The following IGSF11 variants were observed in gnomAD, a reference collection of about 807,000 sequenced individuals.
IGSF11 encodes the protein immunoglobulin superfamily member 11.
Under a neutral mutation model 41.0 loss-of-function variants are expected in IGSF11, and 22 were observed. That is an observed-to-expected ratio of 0.54 (90% CI 0.38 to 0.77). The LOEUF is 0.77. Ranked by LOEUF, IGSF11 falls within the 30% of genes least tolerant of loss-of-function variation. The pLI is 0.00. For missense variants in IGSF11, 444 were observed against 530.8 expected, an observed-to-expected ratio of 0.84 and a Z score of 1.61; for synonymous variants, 219 against 201.3, an observed-to-expected ratio of 1.09 and a Z score of -0.74.
chr3:119,135,776 C>A (rs1243809183), intron 1 of IGSF11, among the ~76,000 whole-genome samples: 5 of 152,104 alleles, frequency 3.3e-5, no homozygotes, highest in African/African-American at 1.2e-4. Flanking sequence ...ATGTTTACTG[C>A]AGCACTATTC....
chr3:119,074,135 G>C (rs781776089), intron 1 of IGSF11, among the ~76,000 whole-genome samples: 1 of 152,100 alleles, frequency 6.6e-6, no homozygotes, highest in African/African-American at 2.4e-5. Flanking sequence ...AAAGATATTT[G>C]GAACCTAAAC....
Position 118,902,915 on chromosome 3 carries a change from T to C in IGSF11, c.901A>G (p.Thr301Ala), listed in dbSNP as rs779620427. 8.7e-6 allele frequency: 14 copies of C among 1,613,976 alleles called. No individual in the cohort carries two copies. Among genetic ancestry groups the C allele is most frequent in the Admixed American group, 6.7e-5 (4 of 59,990 alleles). The change falls in exon 7 of 7, where the codon ACT becomes GCT. Residue 301 changes from threonine (T) to alanine (A), a missense_variant. By Grantham distance (58) the Thr-to-Ala change is moderately conservative. This residue lies in a region of IGSF11 where 223 missense variants were observed against 226.2 expected (regional missense o/e 0.99). Transcript: ENST00000393775. ...PKCSSAKAFHTEISSSDNNTL... is the reference protein window; with the variant it reads ...PKCSSAKAFHAEISSSDNNTL... ...TTGTTGTCCGAGGAGGAAATCTCAG[T>C]GTGAAATGCTTTGGCAGAAGAACAC...
At chr3:119,006,217 T>C (rs990162063) in intron 1 of IGSF11, among the ~76,000 whole-genome samples, 5 of 129,308 alleles carry the variant, frequency 3.9e-5, no homozygotes, top group African/African-American at 1.8e-4. Context: ...ATTCATTTCA[T>C]CTTCCATCGC....
intron 1 of IGSF11, among the ~76,000 whole-genome samples, chr3:119,088,752 C>T (rs2076717267): frequency 6.6e-6 from 1 of 151,988 alleles, no homozygotes; most frequent in Admixed American, 6.5e-5. Flanking sequence ...TCAGAAACAG[C>T]AAAGACAGTA....
intron 1 of IGSF11, among the ~76,000 whole-genome samples, chr3:119,139,019 A>T (rs1156929084): frequency 6.6e-6 from 1 of 152,210 alleles, no homozygotes; most frequent in Non-Finnish European, 1.5e-5. Flanking sequence ...AAAAAAGTGT[A>T]ATTGGATTGT....
At chr3:119,106,698 T>C (rs13066992), upstream of IGSF11, among the ~76,000 whole-genome samples, 17,584 of 152,116 alleles carry the variant, frequency 0.12, 1,138 homozygotes, top group East Asian at 0.23. Flanking sequence ...TAACTCGTCG[T>C]TTAGCATCAG....
chr3:119,045,914 C>G (rs2107753020), intron 1 of IGSF11, among the ~76,000 whole-genome samples: 1 of 152,120 alleles, frequency 6.6e-6, no homozygotes, highest in Non-Finnish European at 1.5e-5. Context: ...GGTACTCCAA[C>G]AGACCTGCAG....
intron 3 of IGSF11, 127 bp from the exon 4 acceptor site, chr3:118,926,383 C>CATG: frequency 1.4e-6 from 1 of 722,106 alleles, no homozygotes; most frequent in Non-Finnish European, 2.1e-6. Context: ...TACCAGGAGA[C>CATG]AGACTCACCG....
intron 1 of IGSF11, chr3:119,012,927 A>C (rs1267185157): frequency 6.6e-6 from 1 of 152,288 alleles, no homozygotes; most frequent in Non-Finnish European, 1.5e-5. Flanking sequence ...CCCACTGCTC[A>C]ACGGATAAAG....
intron 1 of IGSF11, among the ~76,000 whole-genome samples, chr3:119,093,849 C>T (rs1329999557): frequency 6.6e-6 from 1 of 152,042 alleles, no homozygotes; most frequent in African/African-American, 2.4e-5. Flanking sequence ...CAAAAGAAGG[C>T]TTAACTTGAA....
intron 4 of IGSF11, among the ~76,000 whole-genome samples, chr3:118,908,827 C>G (rs1390211558): frequency 6.6e-6 from 1 of 152,212 alleles, no homozygotes; most frequent in Non-Finnish European, 1.5e-5. Flanking sequence ...TGCCTAGTAG[C>G]TGATGTATCT....
intron 1 of IGSF11, among the ~76,000 whole-genome samples, chr3:119,070,916 A>C (rs993448305): frequency 1.3e-5 from 2 of 152,238 alleles, no homozygotes; most frequent in Non-Finnish European, 2.9e-5. Flanking sequence ...TGCAATACAG[A>C]ATCACAGAGA....
chr3:118,920,876 A>T (rs7635851), intron 4 of IGSF11, among the ~76,000 whole-genome samples: 1 of 152,044 alleles, frequency 6.6e-6, no homozygotes, highest in African/African-American at 2.4e-5. Flanking sequence ...TAACACCTGC[A>T]ATATAATGGC....
intron 1 of IGSF11, among the ~76,000 whole-genome samples, chr3:119,047,498 A>T (rs1221202373): frequency 6.6e-6 from 1 of 152,232 alleles, no homozygotes; most frequent in Non-Finnish European, 1.5e-5. Flanking sequence ...TTCATAAAGC[A>T]AGTCCTGAGT....
intron 1 of IGSF11, among the ~76,000 whole-genome samples, chr3:119,083,130 T>TTC (rs891739083): frequency 5.7e-5 from 5 of 87,996 alleles, no homozygotes; most frequent in African/African-American, 1.4e-4. Flanking sequence ...TTTTTTCTTT[T>TTC]TTTTTTTTTT....
intron 1 of IGSF11, among the ~76,000 whole-genome samples, chr3:118,941,429 C>G (rs777948644): frequency 6.6e-6 from 1 of 151,966 alleles, no homozygotes. Flanking sequence ...TGAGATAATA[C>G]AAAACATCAA....
At chr3:118,918,563 A>G (rs1941418376) in intron 4 of IGSF11, among the ~76,000 whole-genome samples, 2 of 139,328 alleles carry the variant, frequency 1.4e-5, no homozygotes, top group Non-Finnish European at 3.0e-5. Flanking sequence ...GATGTGAAGG[A>G]CCTCTTCGAG....
chr3:118,901,497 C>T lies in IGSF11; in HGVS notation c.*1023G>A, dbSNP rs956977384. 1 of 152,146 alleles carries T rather than the reference C, an allele frequency of 6.6e-6. No individual in the cohort carries two copies. Among genetic ancestry groups the T allele is most frequent in the Admixed American group, 6.5e-5 (1 of 15,276 alleles). The allele number at this position is 152,146 out of a possible 1,614,324, so 9.4% of individuals were successfully genotyped here. A position where few individuals can be genotyped will look rare whatever the true frequency, so the allele number is the denominator to read the frequency against. On this transcript the variant is annotated 3_prime_UTR_variant, in exon 7 of 7. Transcript: ENST00000393775. ...TACTTGTCAAATAAGGAGAAAGTTA[C>T]ATACCTCAGTACAAAAGGCATCAGG...
intron 4 of IGSF11, among the ~76,000 whole-genome samples, chr3:118,918,045 C>A (rs1941354898): frequency 7.3e-6 from 1 of 137,080 alleles, no homozygotes; most frequent in African/African-American, 3.1e-5. Flanking sequence ...AAGCCTTTGA[C>A]AAAATTCAAC....
Sources: allele counts gnomAD v4.1 joint callset (sites outside exome capture counted in the v4.1 genomes callset), GRCh38; gene constraint gnomAD v4.1.1; regional missense constraint gnomAD v4.1.1; transcripts MANE v1.5; gene names NCBI Gene and HGNC (gene_info 2026-07-23, HGNC 2026-07-21).